Variants in IGSF21 observed in about 807,000 individuals in gnomAD.
The protein encoded by IGSF21 is immunoglobin superfamily member 21.
Under a neutral mutation model 46.8 loss-of-function variants are expected in IGSF21, and 28 were observed. The observed-to-expected ratio is 0.60, with a 90% CI of 0.44 to 0.82. The LOEUF (loss-of-function observed/expected upper bound fraction) is 0.82, where lower values mean the gene tolerates loss of function less well. Among genes scored for constraint, IGSF21 ranks in the 40% least tolerant of loss-of-function variants. The probability of loss-of-function intolerance (pLI) is 0.00; values close to 1 mark genes in which losing one functional copy is unlikely to be tolerated. For missense variants in IGSF21, 624 were observed against 665.5 expected (o/e 0.94, Z 0.69); for synonymous variants, 284 against 273.6 (o/e 1.04, Z -0.38).
At chr1:18,246,413 G>A (rs139319123) in intron 2 of IGSF21, among the ~76,000 whole-genome samples, 24 of 152,108 alleles carry the variant, frequency 1.6e-4, no homozygotes, top group Admixed American at 8.5e-4. Context: ...CCCTATGAGC[G>A]TGTATCTTGT....
intron 2 of IGSF21, among the ~76,000 whole-genome samples, chr1:18,257,216 A>C (rs1279420914): frequency 2.0e-5 from 3 of 152,150 alleles, no homozygotes; most frequent in African/African-American, 7.2e-5. Flanking sequence ...TCATCTCCAC[A>C]TTCCTTTTGA....
chr1:18,260,990 GA>G (rs1174958284), intron 2 of IGSF21, among the ~76,000 whole-genome samples: 2 of 152,192 alleles, frequency 1.3e-5, no homozygotes, highest in African/African-American at 4.8e-5. Flanking sequence ...GAGATGGGGG[GA>G]CATCGCTTTG....
intron 2 of IGSF21, among the ~76,000 whole-genome samples, chr1:18,253,341 C>A (rs1322982415): frequency 6.6e-6 from 1 of 152,202 alleles, no homozygotes; most frequent in African/African-American, 2.4e-5. Context: ...AAATGAACTT[C>A]TGTTGTTTGC....
intron 1 of IGSF21, among the ~76,000 whole-genome samples, chr1:18,221,950 C>G (rs1185681159): frequency 6.6e-6 from 1 of 152,096 alleles, no homozygotes; most frequent in African/African-American, 2.4e-5. Context: ...GCAGGAAGAC[C>G]CCCAAAATCA....
At chr1:18,159,557 G>T (rs568930971) in intron 1 of IGSF21, among the ~76,000 whole-genome samples, 1 of 152,038 alleles carries the variant, frequency 6.6e-6, no homozygotes, top group African/African-American at 2.4e-5. Context: ...CTTGGTTCTT[G>T]TTCTCTCTCT....
At chr1:18,235,088 C>T (rs1557599998) in intron 2 of IGSF21, among the ~76,000 whole-genome samples, 1 of 152,222 alleles carries the variant, frequency 6.6e-6, no homozygotes, top group Admixed American at 6.5e-5. Context: ...ACTAAAAATA[C>T]ACTGTTGTCT....
intron 2 of IGSF21, among the ~76,000 whole-genome samples, chr1:18,287,008 C>T (rs904328384): frequency 2.6e-5 from 4 of 151,274 alleles, no homozygotes; most frequent in Non-Finnish European, 1.5e-5. Flanking sequence ...GGTGAAACCC[C>T]GTCTCTACTA....
chr1:18,138,835 A>G (rs1453824188), intron 1 of IGSF21, among the ~76,000 whole-genome samples: 1 of 152,228 alleles, frequency 6.6e-6, no homozygotes, highest in Admixed American at 6.5e-5. Flanking sequence ...TCCCTGAATT[A>G]GCTAAATGTC....
intron 4 of IGSF21, among the ~76,000 whole-genome samples, chr1:18,350,706 A>G (rs1165209369): frequency 6.6e-6 from 1 of 151,304 alleles, no homozygotes; most frequent in Admixed American, 6.6e-5. Context: ...GCTCCTCCCC[A>G]CTCACCCACC....
chr1:18,218,676 G>A (rs889474308), intron 1 of IGSF21, among the ~76,000 whole-genome samples: 2 of 152,126 alleles, frequency 1.3e-5, no homozygotes, highest in Non-Finnish European at 2.9e-5. Context: ...GAATACAAAT[G>A]AAAATCACTT....
intron 2 of IGSF21, among the ~76,000 whole-genome samples, chr1:18,264,567 G>A (rs1307404259): frequency 2.0e-5 from 3 of 152,180 alleles, no homozygotes; most frequent in South Asian, 4.1e-4. Flanking sequence ...TCTCATTACA[G>A]GAGGGCATGA....
chr1:18,375,742 G>A (rs1476670791), intron 6 of IGSF21, among the ~76,000 whole-genome samples: 2 of 152,152 alleles, frequency 1.3e-5, no homozygotes, highest in African/African-American at 2.4e-5. Flanking sequence ...CCTTGATCTT[G>A]GCTCTCCTCA....
chr1:18,140,560 C>T (rs2086406545), intron 1 of IGSF21, among the ~76,000 whole-genome samples: 1 of 152,222 alleles, frequency 6.6e-6, no homozygotes, highest in South Asian at 2.1e-4. Context: ...AGCGGGCACT[C>T]CCACATCGTG....
intron 1 of IGSF21, among the ~76,000 whole-genome samples, chr1:18,202,376 G>A (rs963460021): frequency 2.0e-5 from 3 of 152,108 alleles, no homozygotes; most frequent in African/African-American, 7.2e-5. Context: ...ATTACTTTTG[G>A]GGGCCCTTCT....
At chr1:18,202,066 C>T (rs2087081011) in intron 1 of IGSF21, among the ~76,000 whole-genome samples, 1 of 152,218 alleles carries the variant, frequency 6.6e-6, no homozygotes, top group Non-Finnish European at 1.5e-5. Context: ...CTCATTTCTG[C>T]TTCCACGCAC....
At chr1:18,277,853 C>T (rs891933115) in intron 2 of IGSF21, among the ~76,000 whole-genome samples, 6 of 152,172 alleles carry the variant, frequency 3.9e-5, no homozygotes, top group African/African-American at 1.4e-4. Flanking sequence ...GAATAACGAT[C>T]ATCTCTCGGG....
At chr1:18,258,769 C>T (rs185031001) in intron 2 of IGSF21, among the ~76,000 whole-genome samples, 37 of 152,310 alleles carry the variant, frequency 2.4e-4, no homozygotes, top group African/African-American at 8.9e-4. Context: ...TCCATGTGAT[C>T]TTGTGAGAAT....
intron 1 of IGSF21, among the ~76,000 whole-genome samples, chr1:18,154,632 T>A (rs1216631184): frequency 8.7e-6 from 1 of 115,604 alleles, no homozygotes; most frequent in African/African-American, 3.3e-5. Context: ...GGGAGAGCAG[T>A]GGCTTCTGGG....
intron 2 of IGSF21, among the ~76,000 whole-genome samples, chr1:18,263,663 A>G (rs1191328723): frequency 1.3e-5 from 2 of 152,146 alleles, no homozygotes; most frequent in Admixed American, 1.3e-4. Flanking sequence ...CTCTGGCAGC[A>G]TCACCCAGAG....
Sources: gnomAD v4.1 joint callset for allele counts (sites outside exome capture counted in the v4.1 genomes callset) on GRCh38, gnomAD v4.1.1 for gene constraint, MANE v1.5 for transcripts, NCBI Gene and HGNC (gene_info 2026-07-23, HGNC 2026-07-21) for gene names.